Variants in KCNAB1 observed in about 807,000 individuals in gnomAD.
KCNAB1 encodes the protein potassium voltage-gated channel subfamily A regulatory beta subunit 1.
A neutral mutation model predicts 64.6 loss-of-function variants in KCNAB1; 35 were observed. The observed-to-expected ratio is 0.54, with a 90% CI of 0.41 to 0.72. The LOEUF is 0.72. KCNAB1 is among the 30% of genes least tolerant of loss of function. The pLI is 0.00. For synonymous variants in KCNAB1, 177 were observed against 183.8 expected (o/e 0.96, Z 0.30); for missense variants, 401 against 512.9 (o/e 0.78, Z 2.11).
chr3:156,165,277 CAAAAAA>C (rs35419424), intron 1 of KCNAB1, among the ~76,000 whole-genome samples: 11 of 27,132 alleles, frequency 4.1e-4, no homozygotes, highest in African/African-American at 1.1e-3. Context: ...GACTCCGTCT[CAAAAAA>C]AAAAAAAAAA....
At chr3:156,336,232 G>A (rs1199991026) in intron 1 of KCNAB1, among the ~76,000 whole-genome samples, 1 of 151,118 alleles carries the variant, frequency 6.6e-6, no homozygotes, top group Non-Finnish European at 1.5e-5. Context: ...TGTGGTGGCA[G>A]GTGGCTGTAA....
At chr3:156,505,735 C>T (rs887618997) in intron 8 of KCNAB1, among the ~76,000 whole-genome samples, 25 of 152,030 alleles carry the variant, frequency 1.6e-4, no homozygotes, top group South Asian at 2.1e-4. Context: ...GCAGGTTGTA[C>T]CGAAAGCATG....
intron 11 of KCNAB1, among the ~76,000 whole-genome samples, chr3:156,521,171 T>C (rs1441371666): frequency 6.6e-6 from 1 of 152,188 alleles, no homozygotes; most frequent in Non-Finnish European, 1.5e-5. Flanking sequence ...TACCCAGACT[T>C]TGTGCTGGGT....
intron 1 of KCNAB1, among the ~76,000 whole-genome samples, chr3:156,342,585 C>CTTTTTTTTTTTTTTTTTTTTT (rs60982892): frequency 4.3e-4 from 37 of 86,196 alleles, no homozygotes; most frequent in East Asian, 7.7e-4. Context: ...CTATGTGTTT[C>CTTTTTTTTTTTTTTTTTTTTT]TTTTTTTTTT....
intron 1 of KCNAB1, chr3:156,291,185 G>A: frequency 1.0e-6 from 1 of 985,684 alleles, no homozygotes; most frequent in South Asian, 4.7e-5. Context: ...GCTCCTTAAA[G>A]GGACCTGCCT....
At chr3:156,276,399 A>G (rs563864227) in intron 1 of KCNAB1, among the ~76,000 whole-genome samples, 2 of 152,246 alleles carry the variant, frequency 1.3e-5, no homozygotes, top group South Asian at 2.1e-4. Flanking sequence ...GCTTCAGCTT[A>G]AAAGTCACCA....
chr3:156,403,892 T>TAAAAAAAAAAAAAAAAAAA (rs200824639), intron 1 of KCNAB1, among the ~76,000 whole-genome samples: 76 of 136,802 alleles, frequency 5.6e-4, no homozygotes, highest in African/African-American at 1.2e-3. Context: ...AGACTCTGCC[T>TAAAAAAAAAAAAAAAAAAA]AAAAAAAAAA....
chr3:156,522,238 T>C (rs1053350791), intron 11 of KCNAB1, among the ~76,000 whole-genome samples: 3 of 151,942 alleles, frequency 2.0e-5, no homozygotes, highest in African/African-American at 7.3e-5. Flanking sequence ...TCTTTGTTAG[T>C]CGGTTTGAAT....
intron 1 of KCNAB1, among the ~76,000 whole-genome samples, chr3:156,417,896 A>G (rs555998011): frequency 8.1e-4 from 123 of 152,358 alleles, no homozygotes; most frequent in Non-Finnish European, 1.4e-3. Flanking sequence ...AAGAAGCTAT[A>G]TCCCTTCTCC....
At chr3:156,476,311 C>T (rs1018960808) in intron 8 of KCNAB1, among the ~76,000 whole-genome samples, 2 of 151,996 alleles carry the variant, frequency 1.3e-5, no homozygotes, top group Non-Finnish European at 2.9e-5. Context: ...CACTCTTCCC[C>T]CCAAGTCCCC....
chr3:156,436,488 CCA>C (rs1716593652), intron 2 of KCNAB1, among the ~76,000 whole-genome samples: 1 of 152,168 alleles, frequency 6.6e-6, no homozygotes, highest in Non-Finnish European at 1.5e-5. Context: ...TGAGGAATCA[CCA>C]CACTGTCTTC....
chr3:156,235,012 T>C (rs567701568), intron 1 of KCNAB1, among the ~76,000 whole-genome samples: 1 of 152,344 alleles, frequency 6.6e-6, no homozygotes, highest in East Asian at 1.9e-4. Context: ...AAGAGCAGCA[T>C]GCTTACATTC....
intron 1 of KCNAB1, among the ~76,000 whole-genome samples, chr3:156,245,814 G>A (rs1430687439): frequency 6.6e-6 from 1 of 152,108 alleles, no homozygotes; most frequent in African/African-American, 2.4e-5. Context: ...TAAACATTCT[G>A]TATCCTTCCT....
In KCNAB1 at chr3:156,474,815, T is replaced by C. The variant is rs751967580; in HGVS notation, c.653T>C (p.Met218Thr). 3 of 1,611,206 alleles carry C rather than the reference T, an allele frequency of 1.9e-6. No individual in the cohort carries two copies. Among genetic ancestry groups the C allele is most frequent in the Non-Finnish European group, 1.7e-6 (2 of 1,177,570 alleles). ...AATCGACCGGACAGTAACACTCCCATGGAAGGTAAGTTAAGAAAGCTAATA... is the reference window on the plus strand; with the variant it reads ...AATCGACCGGACAGTAACACTCCCACGGAAGGTAAGTTAAGAAAGCTAATA... ...FANRPDSNTP[M>T]EEIVRAMTHV... The change falls in exon 8 of 14, where the codon ATG becomes ACG. Residue 218 changes from methionine to threonine, a missense_variant. Physicochemically the swap from Met to Thr is moderately conservative, Grantham distance 81 (BLOSUM62 -1). Transcript: ENST00000490337.
intron 1 of KCNAB1, among the ~76,000 whole-genome samples, chr3:156,200,889 C>A (rs1382801649): frequency 6.6e-6 from 1 of 152,220 alleles, no homozygotes; most frequent in African/African-American, 2.4e-5. Flanking sequence ...CAAACTCCTG[C>A]AGCTTCCTCA....
chr3:156,149,754 A>G (rs532188163), intron 1 of KCNAB1, among the ~76,000 whole-genome samples: 1 of 152,266 alleles, frequency 6.6e-6, no homozygotes, highest in African/African-American at 2.4e-5. Flanking sequence ...TCTCCTTTTC[A>G]TAGTATTACA....
intron 1 of KCNAB1, among the ~76,000 whole-genome samples, chr3:156,135,936 G>T (rs917050495): frequency 6.6e-6 from 1 of 152,200 alleles, no homozygotes; most frequent in African/African-American, 2.4e-5. Context: ...GAACAAATAA[G>T]CATCATTCAG....
chr3:156,448,675 T>C (rs955038267), intron 2 of KCNAB1, among the ~76,000 whole-genome samples: 1 of 152,146 alleles, frequency 6.6e-6, no homozygotes, highest in East Asian at 1.9e-4. Flanking sequence ...ATTTCAATCA[T>C]CTAGAGACTA....
At chr3:156,220,194 A>C (rs182400910) in intron 1 of KCNAB1, among the ~76,000 whole-genome samples, 1 of 152,264 alleles carries the variant, frequency 6.6e-6, no homozygotes, top group South Asian at 2.1e-4. Context: ...GCATGTGTCC[A>C]TATAGTAGCA....
Sources: gnomAD v4.1 joint callset for allele counts (sites outside exome capture counted in the v4.1 genomes callset) on GRCh38, gnomAD v4.1.1 for gene constraint, MANE v1.5 for transcripts, NCBI Gene and HGNC (gene_info 2026-07-23, HGNC 2026-07-21) for gene names.